Variants in RALGAPB observed in about 807,000 individuals in gnomAD.
The protein encoded by RALGAPB is ral GTPase-activating protein subunit beta.
A neutral mutation model predicts 161.1 loss-of-function variants in RALGAPB; 25 were observed. That is an observed-to-expected ratio of 0.16 (90% CI 0.11 to 0.22). RALGAPB has a LOEUF of 0.22. Ranked by LOEUF, RALGAPB falls within the 10% of genes least tolerant of loss-of-function variation. RALGAPB has a pLI of 1.00. For missense variants in RALGAPB, 1,391 were observed against 1,815.2 expected, an observed-to-expected ratio of 0.77 and a Z score of 4.25; for synonymous variants, 629 against 626.1, an observed-to-expected ratio of 1.00 and a Z score of -0.07.
chr20:38,521,447 C>T (rs773547890), intron 9 of RALGAPB, 50 bp from the exon 10 acceptor site: 2 of 1,608,722 alleles, frequency 1.2e-6, no homozygotes, highest in Non-Finnish European at 1.7e-6. Flanking sequence ...GTCCCATGAG[C>T]CTACGTGGCA....
At chr20:38,517,482 A>G in intron 7 of RALGAPB, 24 bp from the exon 8 acceptor site, 1 of 1,527,358 alleles carries the variant, frequency 6.5e-7, no homozygotes, top group Non-Finnish European at 8.8e-7. Context: ...GAATAATTTC[A>G]TTTGTCTTTT....
intron 26 of RALGAPB, chr20:38,568,821 A>G (rs2088112514): frequency 6.6e-6 from 1 of 152,170 alleles, no homozygotes; most frequent in Non-Finnish European, 1.5e-5. Context: ...ATTATGTTAC[A>G]TTATTTGGCA....
At position 38,493,001 on chromosome 20, in the gene RALGAPB, C is replaced by T. The variant is rs767228854; in HGVS notation, c.258C>T (p.Cys86=). ...LPLDGETVKY[C]VDVYTDWIMA... is the part of the protein sequence containing the mutation. ...TGGATGGAGAGACTGTAAAATATTG[C>T]GTTGATGTATATACAGACTGGATTA... Residue 86 remains cysteine, a synonymous_variant, in exon 3 of 30, where the codon TGC becomes TGT. Transcript: ENST00000262879. 7.4e-6 allele frequency: 12 copies of T among 1,611,670 alleles called. No homozygotes were observed. Among genetic ancestry groups the T allele is most frequent in the East Asian group, 2.2e-5 (1 of 44,782 alleles).
At position 38,517,899 on chromosome 20, in the gene RALGAPB, A is replaced by G; in HGVS notation, c.1316A>G (p.Lys439Arg). ...PRPLPAPRRP[K>R]VNSILNLFGS... ...CCACTGCCTGCCCCTCGGAGACCAAAGGTTAACAGCATCTTGAATCTCTTT... is the reference window on the plus strand; with the variant it reads ...CCACTGCCTGCCCCTCGGAGACCAAGGGTTAACAGCATCTTGAATCTCTTT... The change falls in exon 9 of 30, where the codon AAG becomes AGG. Residue 439 changes from lysine to arginine, a missense_variant. By Grantham distance (26) the Lys-to-Arg change is conservative (BLOSUM62 2). Transcript: ENST00000262879. 6.2e-7 allele frequency: 1 copy of G among 1,614,020 alleles called. No individual in the cohort carries two copies. Among genetic ancestry groups the G allele is most frequent in the Non-Finnish European group, 8.5e-7 (1 of 1,179,880 alleles).
At position 38,567,159 on chromosome 20, in the gene RALGAPB, G is replaced by A; in HGVS notation, c.3881G>A (p.Gly1294Glu). 1 of 1,613,676 alleles carries A rather than the reference G, an allele frequency of 6.2e-7. No homozygotes were observed. The highest frequency in any genetic ancestry group is 8.5e-7 in the Non-Finnish European group (1 of 1,179,726). The change falls in exon 26 of 30, where the codon GGA (glycine) becomes GAA (glutamate). Residue 1294 changes from glycine (G) to glutamate (E), a missense_variant. Coordinates refer to ENST00000262879, the MANE Select transcript of RALGAPB (RefSeq NM_020336.4). Reference protein sequence around the residue: ...DSDSNMDLMPGILKQPSLTLE... With the variant: ...DSDSNMDLMPEILKQPSLTLE... The stretch of plus-strand genomic sequence containing the variant: ...GATTCAAATATGGATCTTATGCCAG[G>A]AATTCTGAAACAGCCATCCCTGACA...
chr20:38,574,700 C>T, intron 29 of RALGAPB, 74 bp from the exon 30 acceptor site: 1 of 1,400,818 alleles, frequency 7.1e-7, no homozygotes, highest in Non-Finnish European at 1.0e-6. Flanking sequence ...GAGAATAGTT[C>T]ACCTGAATAC....
At chr20:38,564,424 T>C (rs1405403423) in intron 24 of RALGAPB, among the ~76,000 whole-genome samples, 1 of 152,234 alleles carries the variant, frequency 6.6e-6, no homozygotes. Context: ...CTATTTGCCA[T>C]ACCTTCACCA....
At chr20:38,565,314 T>G in intron 24 of RALGAPB, 45 bp from the exon 25 acceptor site, 1 of 1,599,078 alleles carries the variant, frequency 6.3e-7, no homozygotes, top group Non-Finnish European at 8.5e-7. Flanking sequence ...ACTGGTTTTT[T>G]CCTACTTTTT....
chr20:38,525,584 G>A (rs972488802), intron 12 of RALGAPB, 66 bp downstream of exon 12: 6 of 1,211,304 alleles, frequency 5.0e-6, no homozygotes, highest in South Asian at 1.3e-5. Flanking sequence ...AAGTCAAATC[G>A]AATGTTAAAA....
chr20:38,550,560 G>C (rs1481473219), intron 20 of RALGAPB, among the ~76,000 whole-genome samples: 1 of 152,058 alleles, frequency 6.6e-6, no homozygotes, highest in Non-Finnish European at 1.5e-5. Flanking sequence ...ATTTGTTTAG[G>C]GTTCACCATG....
chr20:38,535,218 CA>C lies in RALGAPB; in HGVS notation c.2379+12del. On this transcript the variant is annotated intron_variant, in intron 16 of 29. Coordinates refer to ENST00000262879, the MANE Select transcript of RALGAPB (RefSeq NM_020336.4). Reference sequence around the variant, plus strand: ...TCTGGCCTTGCAAAGGTGAGGAAGACAGTCCTTTTATTTTAACCCAACAGCC... The same window carrying C: ...TCTGGCCTTGCAAAGGTGAGGAAGACGTCCTTTTATTTTAACCCAACAGCC... The C allele has an allele frequency of 1.2e-6, 2 of 1,613,880 alleles. No individual in the cohort carries two copies. The highest frequency in any genetic ancestry group is 2.2e-5 in the South Asian group (2 of 91,038).
At chr20:38,541,288 C>G in intron 18 of RALGAPB, 96 bp downstream of exon 18, 4 of 1,190,518 alleles carry the variant, frequency 3.4e-6, no homozygotes, top group Non-Finnish European at 4.6e-6. Flanking sequence ...TTCAGCATTG[C>G]GTGATGCAGC....
Position 38,566,595 on chromosome 20 carries a change from T to C in RALGAPB, c.3818-501T>C, listed in dbSNP as rs148973429. The stretch of plus-strand genomic sequence containing the variant: ...TTTTTTGGATGGGGTGGAGGATAAC[T>C]TTCTGTGTACTTATCTCCAACCAGA... On this transcript the variant is annotated intron_variant, in intron 25 of 29. Transcript: ENST00000262879. Among the ~76,000 whole-genome samples the C allele has an allele frequency of 2.6e-3, 402 of 152,312 alleles. 1 individual carries two copies. Among genetic ancestry groups the C allele is most frequent in the African/African-American group, 9.2e-3 (383 of 41,568 alleles).
chr20:38,558,151 A>C (rs890286554), intron 22 of RALGAPB, 144 bp from the exon 23 acceptor site: 4 of 598,806 alleles, frequency 6.7e-6, no homozygotes, highest in Non-Finnish European at 1.0e-5. Context: ...TAGTTTCTTT[A>C]GTTTAGGATT....
chr20:38,562,177 CTG>C (rs998171193), intron 23 of RALGAPB, among the ~76,000 whole-genome samples: 23 of 152,316 alleles, frequency 1.5e-4, no homozygotes, highest in Admixed American at 1.5e-3. Flanking sequence ...ACAGTAAACT[CTG>C]TGAAGGCAGG....
At chr20:38,546,619 T>C in intron 19 of RALGAPB, 189 bp downstream of exon 19, 1 of 664,568 alleles carries the variant, frequency 1.5e-6, no homozygotes, top group Non-Finnish European at 2.5e-6. Flanking sequence ...ACATAGAGTC[T>C]TTTAAAGGCT....
chr20:38,538,389 AGAT>A (rs1328242294), intron 16 of RALGAPB: 6 of 208,948 alleles, frequency 2.9e-5, no homozygotes, highest in Admixed American at 4.6e-5. Context: ...TAGACCCTAA[AGAT>A]GAGATACTAT....
At chr20:38,557,720 C>T (rs1340557875) in intron 22 of RALGAPB, among the ~76,000 whole-genome samples, 1 of 152,088 alleles carries the variant, frequency 6.6e-6, no homozygotes, top group Non-Finnish European at 1.5e-5. Flanking sequence ...TGGTTTATTT[C>T]TTTTTATTGC....
At chr20:38,573,887 A>C (rs2088334451) in intron 28 of RALGAPB, 1 of 248,944 alleles carries the variant, frequency 4.0e-6, no homozygotes, top group African/African-American at 2.2e-5. Flanking sequence ...TTTTCCAAGC[A>C]TATATATTTT....
Sources: gnomAD v4.1 joint callset for allele counts (sites outside exome capture counted in the v4.1 genomes callset) on GRCh38, gnomAD v4.1.1 for gene constraint, MANE v1.5 for transcripts, NCBI Gene and HGNC (gene_info 2026-07-23, HGNC 2026-07-21) for gene names.